Variants in RABGAP1L observed in about 807,000 individuals in gnomAD.
RABGAP1L encodes the protein RAB GTPase activating protein 1 like, also known as rab GTPase-activating protein 1-like.
A neutral mutation model predicts 137.7 loss-of-function variants in RABGAP1L; 63 were observed. That is an observed-to-expected ratio of 0.46 (90% CI 0.37 to 0.56). RABGAP1L has a LOEUF of 0.56. RABGAP1L is among the 20% of genes least tolerant of loss of function. The pLI is 0.00. For synonymous variants in RABGAP1L, 431 were observed against 433.7 expected (o/e 0.99, Z 0.08); for missense variants, 1,095 against 1,244.0 (o/e 0.88, Z 1.80).
At chr1:174,514,958 A>C (rs934386442) in intron 13 of RABGAP1L, among the ~76,000 whole-genome samples, 1 of 152,182 alleles carries the variant, frequency 6.6e-6, no homozygotes, top group African/African-American at 2.4e-5. Flanking sequence ...CAAACCTAAG[A>C]AATTTTAAAA....
intron 1 of RABGAP1L, among the ~76,000 whole-genome samples, chr1:174,201,821 T>A (rs1390961321): frequency 9.6e-5 from 10 of 104,668 alleles, no homozygotes; most frequent in Non-Finnish European, 1.6e-4. Context: ...CCCACAACAG[T>A]CCCCGGTGTG....
chr1:174,692,361 G>A (rs1438409656), intron 15 of RABGAP1L, among the ~76,000 whole-genome samples: 1 of 152,160 alleles, frequency 6.6e-6, no homozygotes, highest in Non-Finnish European at 1.5e-5. Context: ...TCACGTTAAA[G>A]AGAAATAACA....
chr1:174,616,155 A>T (rs1300617173), intron 13 of RABGAP1L, among the ~76,000 whole-genome samples: 1 of 152,012 alleles, frequency 6.6e-6, no homozygotes, highest in African/African-American at 2.4e-5. Flanking sequence ...TGCAGAAATC[A>T]CCTGTCTTCT....
At chr1:174,964,607 C>G (rs549111881) in intron 20 of RABGAP1L, among the ~76,000 whole-genome samples, 1 of 152,128 alleles carries the variant, frequency 6.6e-6, no homozygotes, top group African/African-American at 2.4e-5. Flanking sequence ...TTCCTTCCAC[C>G]CAGCTTTAAC....
intron 19 of RABGAP1L, among the ~76,000 whole-genome samples, chr1:174,883,243 T>C (rs757176171): frequency 2.6e-5 from 4 of 152,200 alleles, no homozygotes; most frequent in Non-Finnish European, 5.9e-5. Flanking sequence ...AGAGACATAA[T>C]AGTATTACCT....
At chr1:174,987,106 A>G (rs1671653027) in intron 24 of RABGAP1L, among the ~76,000 whole-genome samples, 1 of 152,238 alleles carries the variant, frequency 6.6e-6, no homozygotes, top group Non-Finnish European at 1.5e-5. Context: ...GCCAGTGAGT[A>G]CTGAGAAGGT....
At chr1:174,348,278 G>A (rs1682639228) in intron 11 of RABGAP1L, among the ~76,000 whole-genome samples, 1 of 146,794 alleles carries the variant, frequency 6.8e-6, no homozygotes, top group Admixed American at 6.7e-5. Context: ...CTATTAGGTT[G>A]GTGCAAAAGT....
At chr1:174,767,842 G>A (rs1036160299) in intron 18 of RABGAP1L, among the ~76,000 whole-genome samples, 2 of 152,152 alleles carry the variant, frequency 1.3e-5, no homozygotes, top group African/African-American at 4.8e-5. Context: ...CCATGTGGCT[G>A]GGGAGGCCTC....
intron 11 of RABGAP1L, among the ~76,000 whole-genome samples, chr1:174,329,649 C>T (rs577438428): frequency 1.3e-3 from 200 of 152,124 alleles, no homozygotes; most frequent in Non-Finnish European, 2.1e-3. Flanking sequence ...AGGATTCAAC[C>T]CAGGAATGTA....
chr1:174,749,625 C>T (rs1381725078), intron 17 of RABGAP1L, among the ~76,000 whole-genome samples: 2 of 152,098 alleles, frequency 1.3e-5, no homozygotes, highest in Admixed American at 6.6e-5. Flanking sequence ...AAAGGAGTGT[C>T]TGGGTTAAGA....
At chr1:174,642,211 A>G (rs1052582246) in intron 14 of RABGAP1L, among the ~76,000 whole-genome samples, 3 of 152,214 alleles carry the variant, frequency 2.0e-5, no homozygotes, top group African/African-American at 4.8e-5. Flanking sequence ...GATTGAATAT[A>G]TTATACAGAG....
chr1:174,615,088 A>AT (rs1557902629), intron 13 of RABGAP1L, among the ~76,000 whole-genome samples: 3 of 152,178 alleles, frequency 2.0e-5, no homozygotes, highest in African/African-American at 7.2e-5. Flanking sequence ...CGTCAAAGTC[A>AT]TTCTCCATCC....
chr1:174,942,622 A>G (rs1358334793), intron 19 of RABGAP1L, among the ~76,000 whole-genome samples: 5 of 152,220 alleles, frequency 3.3e-5, no homozygotes, highest in Non-Finnish European at 7.3e-5. Flanking sequence ...AACAGCACCT[A>G]CTTCAGAGAT....
intron 7 of RABGAP1L, among the ~76,000 whole-genome samples, chr1:174,254,275 G>C (rs1672940154): frequency 1.3e-5 from 2 of 152,134 alleles, no homozygotes; most frequent in Non-Finnish European, 2.9e-5. Flanking sequence ...TAAGATGCAT[G>C]TGTTTTCATA....
At chr1:174,606,501 A>G (rs768610196) in intron 13 of RABGAP1L, among the ~76,000 whole-genome samples, 1 of 152,198 alleles carries the variant, frequency 6.6e-6, no homozygotes, top group Non-Finnish European at 1.5e-5. Flanking sequence ...ACATTTTTTA[A>G]GACGTTAATT....
chr1:174,964,438 G>T (rs890831595), intron 20 of RABGAP1L, among the ~76,000 whole-genome samples: 1 of 152,028 alleles, frequency 6.6e-6, no homozygotes, highest in East Asian at 1.9e-4. Flanking sequence ...AATAAATGAC[G>T]TTCACAATCC....
intron 11 of RABGAP1L, among the ~76,000 whole-genome samples, chr1:174,355,975 G>A (rs1340346504): frequency 6.6e-6 from 1 of 152,148 alleles, no homozygotes; most frequent in East Asian, 1.9e-4. Context: ...ACATTTGTAT[G>A]TCAGCTTTTC....
At chr1:174,887,550 G>T (rs1158255019) in intron 19 of RABGAP1L, among the ~76,000 whole-genome samples, 2 of 151,898 alleles carry the variant, frequency 1.3e-5, no homozygotes, top group Non-Finnish European at 2.9e-5. Context: ...ATGTTTCTAG[G>T]GTATGCCAAC....
At chr1:174,587,821 C>A (rs766563554) in intron 13 of RABGAP1L, among the ~76,000 whole-genome samples, 46 of 152,092 alleles carry the variant, frequency 3.0e-4, no homozygotes, top group Non-Finnish European at 5.9e-4. Context: ...GCATTTATTT[C>A]TTTGTGTTAT....
Sources: gnomAD v4.1 joint callset for allele counts (sites outside exome capture counted in the v4.1 genomes callset) on GRCh38, gnomAD v4.1.1 for gene constraint, MANE v1.5 for transcripts, NCBI Gene and HGNC (gene_info 2026-07-23, HGNC 2026-07-21) for gene names.